The following INSL6 variants were observed in gnomAD, a reference collection of about 807,000 sequenced individuals.
INSL6 encodes the protein insulin like 6.
A neutral mutation model predicts 9.4 loss-of-function variants in INSL6; 16 were observed. The ratio of observed to expected loss-of-function variants is 1.70; its 90% CI spans 1.15 to 2.59. INSL6 has a LOEUF of 2.59. Among genes scored for constraint, INSL6 ranks in the 30% most tolerant of loss-of-function variants. The probability of loss-of-function intolerance (pLI) is 0.00; values close to 1 mark genes in which losing one functional copy is unlikely to be tolerated. For missense variants in INSL6, 391 were observed against 257.3 expected (o/e 1.52, Z -3.56); for synonymous variants, 154 against 96.9 (o/e 1.59, Z -3.46).
chr9:5,085,647 C>G, the INSL6 span: 2 of 723,592 alleles, frequency 2.8e-6, no homozygotes, highest in Non-Finnish European at 2.6e-6. Context: ...CACCCCAGAT[C>G]TTGTGTGTTT....
chr9:5,185,591 G>GCTCCTC lies in INSL6; in HGVS notation c.11_12insGAGGAG (p.Leu4_Leu5insArgSer), dbSNP rs755699432. ...CAAGCCACAGCAGGGACAAGCGGAGGAGCCGCGGCATCCCTGTGACCCCAG... is the reference window on the plus strand; with the variant it reads ...CAAGCCACAGCAGGGACAAGCGGAGGCTCCTCAGCCGCGGCATCCCTGTGACCCCAG... On this transcript the variant is annotated inframe_insertion, in exon 1 of 2. Coordinates refer to ENST00000381641, the MANE Select transcript of INSL6 (RefSeq NM_007179.3). The GCTCCTC allele has an allele frequency of 2.9e-5, 47 of 1,612,468 alleles. No homozygotes were observed. In the South Asian group the frequency reaches 5.2e-4, roughly 18 times the overall value.
the INSL6 span, among the ~76,000 whole-genome samples, chr9:5,060,389 G>C: frequency 6.6e-6 from 1 of 152,148 alleles, no homozygotes; most frequent in Non-Finnish European, 1.5e-5. Context: ...ACCCACAGTA[G>C]AATTTCTTTA....
the INSL6 span, among the ~76,000 whole-genome samples, chr9:5,025,237 T>TA: frequency 6.6e-6 from 1 of 152,202 alleles, no homozygotes; most frequent in African/African-American, 2.4e-5. Flanking sequence ...ATCATGGAAG[T>TA]AAAGTTTAAG....
At chr9:5,085,566 A>G in the INSL6 span, 8 of 692,006 alleles carry the variant, frequency 1.2e-5, no homozygotes, top group East Asian at 1.0e-4. Context: ...TAACAGCTGT[A>G]TTTCCAGTTT....
At chr9:5,062,444 T>C in the INSL6 span, among the ~76,000 whole-genome samples, 9 of 139,444 alleles carry the variant, frequency 6.5e-5, no homozygotes, top group Non-Finnish European at 1.2e-4. Flanking sequence ...ATTGGAAAAA[T>C]TGCACTGATA....
At chr9:5,045,493 A>G in the INSL6 span, among the ~76,000 whole-genome samples, 2 of 152,234 alleles carry the variant, frequency 1.3e-5, no homozygotes, top group Non-Finnish European at 2.9e-5. Context: ...TTGCTGTACA[A>G]CCATCACCAC....
At chr9:5,020,869 A>G in the INSL6 span, among the ~76,000 whole-genome samples, 15 of 152,218 alleles carry the variant, frequency 9.9e-5, no homozygotes, top group Admixed American at 7.2e-4. Context: ...GTTGGGCTCC[A>G]GGGTAGGAGG....
the INSL6 span, among the ~76,000 whole-genome samples, chr9:5,004,956 G>T: frequency 7.2e-6 from 1 of 139,656 alleles, no homozygotes; most frequent in South Asian, 2.3e-4. Context: ...TTGCTCTGTT[G>T]CCTAGGCTGA....
At chr9:5,155,457 C>T (rs1367979429) in intron 2 of INSL6, among the ~76,000 whole-genome samples, 2 of 149,972 alleles carry the variant, frequency 1.3e-5, no homozygotes, top group East Asian at 3.9e-4. Flanking sequence ...CACATGTACC[C>T]TAAAACTTAA....
At chr9:5,019,676 A>G in the INSL6 span, among the ~76,000 whole-genome samples, 4 of 151,658 alleles carry the variant, frequency 2.6e-5, no homozygotes, top group Non-Finnish European at 5.9e-5. Flanking sequence ...CATTTTTTTG[A>G]ATTTGCTTTC....
At chr9:5,002,011 C>T in the INSL6 span, among the ~76,000 whole-genome samples, 102,205 of 151,708 alleles carry the variant, frequency 0.67, 35,894 homozygotes, top group African/African-American at 0.89. Flanking sequence ...AAATCTGTAG[C>T]GATATCCTGC....
Position 5,163,950 on chromosome 9 carries a change from T to A in INSL6, c.605A>T (p.Lys202Met), listed in dbSNP as rs754257221. The A allele has an allele frequency of 1.9e-5, 31 of 1,608,366 alleles. No homozygotes were observed. Among genetic ancestry groups the A allele is most frequent in the Non-Finnish European group, 2.5e-5 (30 of 1,179,076 alleles). Residue 202 changes from lysine (K) to methionine (M), a missense_variant, in exon 2 of 2, where the codon AAG (lysine) becomes ATG (methionine). Lys to Met is a moderately conservative substitution (Grantham distance 95). Coordinates refer to ENST00000381641, the MANE Select transcript of INSL6 (RefSeq NM_007179.3). ...CLPYIDFKRL[K>M]EKRSSLVTKI... ...AGTTACAAGTGATGATCTTTTTTCC[T>A]TTAGCCTTTTAAAATCAATATATGG...
chr9:5,079,642 TA>T, the INSL6 span, among the ~76,000 whole-genome samples: 55 of 147,342 alleles, frequency 3.7e-4, no homozygotes, highest in Admixed American at 3.5e-3. Flanking sequence ...ATAAACTATA[TA>T]AAAAAAAAAG....
the INSL6 span, chr9:5,041,769 C>A: frequency 1.2e-5 from 6 of 488,404 alleles, no homozygotes; most frequent in African/African-American, 9.8e-5. Context: ...CACCGACCTG[C>A]CCTCCCAGCC....
intron 1 of INSL6, among the ~76,000 whole-genome samples, chr9:5,181,018 C>T (rs932990348): frequency 5.9e-5 from 9 of 152,272 alleles, no homozygotes; most frequent in African/African-American, 1.2e-4. Context: ...TCACCCCCGG[C>T]GGCCCAGCTG....
chr9:5,121,353 G>C (rs1256291094), downstream of INSL6, among the ~76,000 whole-genome samples: 2 of 152,172 alleles, frequency 1.3e-5, no homozygotes, highest in East Asian at 3.9e-4. Context: ...TAGTCCTCAA[G>C]TAAGAAGACT....
At chr9:5,123,669 T>C (rs573820126), downstream of INSL6, among the ~76,000 whole-genome samples, 194 of 152,102 alleles carry the variant, frequency 1.3e-3, no homozygotes, top group African/African-American at 4.4e-3. Context: ...AGATACCCCA[T>C]AGTGGGAATG....
chr9:5,050,013 T>C, the INSL6 span, among the ~76,000 whole-genome samples: 1 of 152,222 alleles, frequency 6.6e-6, no homozygotes, highest in African/African-American at 2.4e-5. Flanking sequence ...AACATTGTTA[T>C]GGGGCACATG....
downstream of INSL6, among the ~76,000 whole-genome samples, chr9:5,119,007 T>G (rs1198885342): frequency 1.3e-5 from 2 of 152,178 alleles, no homozygotes; most frequent in African/African-American, 4.8e-5. Flanking sequence ...TTGTTTAAAC[T>G]AATACATTCA....
Sources: allele counts gnomAD v4.1 joint callset (sites outside exome capture counted in the v4.1 genomes callset), GRCh38; gene constraint gnomAD v4.1.1; transcripts MANE v1.5; gene names NCBI Gene and HGNC (gene_info 2026-07-23, HGNC 2026-07-21).